The following TRIP11 variants were observed in gnomAD, a reference collection of about 807,000 sequenced individuals.
The protein encoded by TRIP11 is thyroid receptor-interacting protein 11.
TRIP11 carries 148 observed loss-of-function variants against 223.1 expected under a neutral mutation model. The ratio of observed to expected loss-of-function variants is 0.66; its 90% confidence interval spans 0.58 to 0.76. TRIP11 has a LOEUF of 0.76. Among genes scored for constraint, TRIP11 ranks in the 30% least tolerant of loss-of-function variants. The probability of loss-of-function intolerance (pLI) is 0.00; values close to 1 mark genes in which losing one functional copy is unlikely to be tolerated. For missense variants in TRIP11, 2,043 were observed against 2,222.0 expected, an observed-to-expected ratio of 0.92 and a Z score of 1.62; for synonymous variants, 762 against 772.6, an observed-to-expected ratio of 0.99 and a Z score of 0.23.
chr14:91,992,934 A>AG (rs1462834880), intron 15 of TRIP11, among the ~76,000 whole-genome samples: 3 of 148,344 alleles, frequency 2.0e-5, no homozygotes, highest in African/African-American at 5.0e-5. Flanking sequence ...AAAAAAAAAA[A>AG]AAAAAAGACA....
At position 91,967,796 on chromosome 14, in the gene TRIP11, C is replaced by G; in HGVS notation, c.*1877G>C. 5.1e-6 allele frequency: 1 copy of G among 195,242 alleles called. No homozygotes were observed. The highest frequency in any genetic ancestry group is 8.0e-5 in the East Asian group (1 of 12,464). 12.1% of individuals were successfully genotyped at this position (195,242 alleles called of 1,614,324 possible). On this transcript the variant is annotated 3_prime_UTR_variant, in exon 21 of 21. Transcript: ENST00000267622. ...ACTGAAATGAAATTTCAATGGCAAG[C>G]AGCAAATAATGTAGGATAGTCAGTG...
Position 91,969,583 on chromosome 14 carries a change from T to C in TRIP11, c.*90A>G. 2 of 1,291,850 alleles carry C rather than the reference T, an allele frequency of 1.5e-6. No individual in the cohort carries two copies. The highest frequency in any genetic ancestry group is 4.6e-5 in the East Asian group (2 of 43,306). The allele number at this position is 1,291,850 out of a possible 1,614,324, so 80.0% of individuals were successfully genotyped here. A position where few individuals can be genotyped will look rare whatever the true frequency, so the allele number is the denominator to read the frequency against. ...ATAATTGCGAACAAATACATGACTT[T>C]CTCCCCAAAGGCCACTTTGTGATAA... On this transcript the variant is annotated 3_prime_UTR_variant, in exon 21 of 21. Coordinates refer to ENST00000267622, the MANE Select transcript of TRIP11 (RefSeq NM_004239.4).
chr14:92,021,068 T>TTA (rs1325424692), intron 4 of TRIP11, among the ~76,000 whole-genome samples: 1 of 86,964 alleles, frequency 1.1e-5, no homozygotes, highest in African/African-American at 5.3e-5. Context: ...AGACTCTGTC[T>TTA]CAAAAAAAAA....
rs565633560 is a variant in TRIP11 at position 92,030,147 on chromosome 14, AG to A, written c.201+3044del. Among the ~76,000 whole-genome samples, 969 of 143,782 alleles carry A rather than the reference AG, an allele frequency of 6.7e-3. 9 individuals carry two copies. Among genetic ancestry groups the A allele is most frequent in the African/African-American group, 0.023 (911 of 38,998 alleles). 94.3% of individuals were successfully genotyped at this position (143,782 alleles called of 152,430 possible). ...GGGAGGCGGAGCTTGCAGTGAGCCT[AG>A]ATCCCGCCACTGCACTCTGCACTCC... On this transcript the variant is annotated intron_variant, in intron 2 of 20. Transcript: ENST00000267622.
In TRIP11 at chr14:92,005,225, CT is replaced by C; in HGVS notation, c.2750del (p.Lys917ArgfsTer2). 1 of 1,614,128 alleles carries C rather than the reference CT, an allele frequency of 6.2e-7. No homozygotes were observed. Among genetic ancestry groups the C allele is most frequent in the Non-Finnish European group, 8.5e-7 (1 of 1,180,020 alleles). On this transcript the variant is annotated frameshift_variant, in exon 11 of 21. Coordinates refer to ENST00000267622, the MANE Select transcript of TRIP11 (RefSeq NM_004239.4). LOFTEE classifies it high-confidence loss of function. ...HLEEEIKHHQ[K>X]IIEDQNQSKM... ...TACTCTGGTTTTGATCTTCAATTAT[CT>C]TTTGATGATGTTTAATTTCCTCTTC...
intron 4 of TRIP11, among the ~76,000 whole-genome samples, chr14:92,018,762 T>C (rs2057069163): frequency 6.6e-6 from 1 of 151,528 alleles, no homozygotes. Context: ...ATCAAGACCA[T>C]CCTGGCCAAC....
Position 92,021,609 on chromosome 14 carries a change from T to G in TRIP11, c.535A>C (p.Asn179His), listed in dbSNP as rs2057115496. The G allele has an allele frequency of 6.2e-7, 1 of 1,614,200 alleles. No homozygotes were observed. Among genetic ancestry groups the G allele is most frequent in the Non-Finnish European group, 8.5e-7 (1 of 1,180,046 alleles). ...TCAGACTCAAGTCTTGAAACTTCATTTGAGAGTCGGTTTATTTCTTGTTGG... is the reference window on the plus strand; with the variant it reads ...TCAGACTCAAGTCTTGAAACTTCATGTGAGAGTCGGTTTATTTCTTGTTGG... ...SSQQEINRLSNEVSRLESEVG... is the reference protein window; with the variant it reads ...SSQQEINRLSHEVSRLESEVG... Residue 179 changes from asparagine (N) to histidine (H), a missense_variant, in exon 4 of 21, where the codon AAT becomes CAT. Physicochemically the swap from Asn to His is moderately conservative, Grantham distance 68. Transcript: ENST00000267622.
chr14:92,014,926 T>C (rs1595396687), intron 6 of TRIP11, among the ~76,000 whole-genome samples: 1 of 146,092 alleles, frequency 6.8e-6, no homozygotes, highest in Non-Finnish European at 1.5e-5. Flanking sequence ...TTTTTTGAGA[T>C]GGAGTCTCAC....
intron 11 of TRIP11, among the ~76,000 whole-genome samples, chr14:92,001,245 C>A (rs1349924922): frequency 1.3e-5 from 2 of 151,018 alleles, no homozygotes; most frequent in Non-Finnish European, 2.9e-5. Flanking sequence ...TTCATGTAAA[C>A]TTTCCACTTC....
chr14:91,987,071 T>C (rs1046609815), intron 16 of TRIP11, among the ~76,000 whole-genome samples: 3 of 152,198 alleles, frequency 2.0e-5, no homozygotes, highest in African/African-American at 7.2e-5. Flanking sequence ...ATTTTAGAGA[T>C]GCTTATAAAA....
chr14:91,999,974 C>T lies in TRIP11; in HGVS notation c.4692G>A (p.Gln1564=), dbSNP rs764446226. Residue 1564 remains glutamine, a synonymous_variant, in exon 12 of 21, where the codon CAG becomes CAA. Transcript: ENST00000267622. ...KQKQMENTAL[Q]NEVQRLRDKE... is the part of the protein sequence containing the mutation. ...TTTTAAAGTGAAAGTATACCTCATT[C>T]TGTAGGGCAGTATTTTCCATTTGTT... 5 of 1,613,878 alleles carry T rather than the reference C, an allele frequency of 3.1e-6. No individual in the cohort carries two copies. In the South Asian group the frequency reaches 5.5e-5, roughly 18 times the overall value.
At chr14:91,974,505 G>T in intron 19 of TRIP11, 122 bp downstream of exon 19, 1 of 816,120 alleles carries the variant, frequency 1.2e-6, no homozygotes, top group Non-Finnish European at 2.0e-6. Context: ...CTCAGTTTCT[G>T]CAACTTCAAA....
At chr14:91,987,880 A>G (rs1221370958) in intron 16 of TRIP11, among the ~76,000 whole-genome samples, 3 of 152,226 alleles carry the variant, frequency 2.0e-5, no homozygotes, top group African/African-American at 7.2e-5. Flanking sequence ...CTATACCCAG[A>G]CATTCATTCT....
At chr14:91,995,076 C>T (rs1042425344) in intron 14 of TRIP11, among the ~76,000 whole-genome samples, 33 of 150,656 alleles carry the variant, frequency 2.2e-4, no homozygotes, top group Admixed American at 5.3e-4. Context: ...CTCTTTATTA[C>T]TTGATCATCT....
chr14:92,035,901 A>C (rs2057320872), intron 1 of TRIP11, among the ~76,000 whole-genome samples: 1 of 152,104 alleles, frequency 6.6e-6, no homozygotes, highest in South Asian at 2.1e-4. Context: ...AAAACTCATA[A>C]CATTTTAAGC....
At chr14:91,971,608 T>G (rs1595363277) in intron 20 of TRIP11, among the ~76,000 whole-genome samples, 6 of 144,608 alleles carry the variant, frequency 4.1e-5, no homozygotes, top group African/African-American at 5.1e-5. Flanking sequence ...AAAGGAAGGG[T>G]GGGAAAAGAA....
At chr14:92,023,516 G>C (rs2057140303) in intron 3 of TRIP11, among the ~76,000 whole-genome samples, 1 of 152,172 alleles carries the variant, frequency 6.6e-6, no homozygotes, top group Non-Finnish European at 1.5e-5. Flanking sequence ...TCTACTTGTG[G>C]CATCAAACTG....
At chr14:92,001,552 T>G (rs1415241900) in intron 11 of TRIP11, among the ~76,000 whole-genome samples, 4 of 152,132 alleles carry the variant, frequency 2.6e-5, no homozygotes, top group African/African-American at 9.7e-5. Flanking sequence ...AGAAATTAGT[T>G]TACACTAATT....
chr14:92,002,065 A>G (rs1485954569), intron 11 of TRIP11, among the ~76,000 whole-genome samples: 1 of 152,176 alleles, frequency 6.6e-6, no homozygotes, highest in African/African-American at 2.4e-5. Context: ...TGAATATTTT[A>G]TTGTTTTGCC....
Sources: gnomAD v4.1 joint callset for allele counts (sites outside exome capture counted in the v4.1 genomes callset) on GRCh38, gnomAD v4.1.1 for gene constraint, MANE v1.5 for transcripts, NCBI Gene and HGNC (gene_info 2026-07-23, HGNC 2026-07-21) for gene names.